Variants in CSMD1 observed in about 807,000 individuals in gnomAD.
CSMD1 encodes the protein CUB and sushi domain-containing protein 1.
Under a neutral mutation model 417.5 loss-of-function variants are expected in CSMD1, and 213 were observed. The ratio of observed to expected loss-of-function variants is 0.51; its 90% CI spans 0.46 to 0.57. The LOEUF is 0.57. Ranked by LOEUF, CSMD1 falls within the 20% of genes least tolerant of loss-of-function variation. The probability of loss-of-function intolerance (pLI) is 0.00; values close to 1 mark genes in which losing one functional copy is unlikely to be tolerated. For synonymous variants in CSMD1, 2,862 were observed against 1,736.8 expected, an observed-to-expected ratio of 1.65 and a Z score of -16.11; for missense variants, 6,923 against 4,529.7, an observed-to-expected ratio of 1.53 and a Z score of -15.17.
intron 8 of CSMD1, among the ~76,000 whole-genome samples, chr8:3,615,606 C>A (rs1465736703): frequency 6.6e-6 from 1 of 152,182 alleles, no homozygotes; most frequent in African/African-American, 2.4e-5. Context: ...AATATAGACA[C>A]ACTACAGTTT....
At chr8:3,789,022 G>T (rs1028503067) in intron 5 of CSMD1, among the ~76,000 whole-genome samples, 1 of 152,148 alleles carries the variant, frequency 6.6e-6, no homozygotes, top group East Asian at 1.9e-4. Flanking sequence ...CCCAAATTAG[G>T]AGGATGCTAT....
intron 5 of CSMD1, among the ~76,000 whole-genome samples, chr8:3,828,913 C>T (rs1404341219): frequency 6.6e-6 from 1 of 152,206 alleles, no homozygotes; most frequent in African/African-American, 2.4e-5. Flanking sequence ...GCCTTCAGCT[C>T]ACCCATTACT....
intron 49 of CSMD1, among the ~76,000 whole-genome samples, chr8:3,079,096 A>T (rs918044852): frequency 1.3e-5 from 2 of 152,150 alleles, no homozygotes; most frequent in Admixed American, 1.3e-4. Flanking sequence ...CGGGAGCCTG[A>T]CTGCAACTGC....
intron 6 of CSMD1, among the ~76,000 whole-genome samples, chr8:3,712,693 T>G (rs989236611): frequency 6.6e-6 from 1 of 152,226 alleles, no homozygotes; most frequent in Non-Finnish European, 1.5e-5. Flanking sequence ...TTATCTAGTT[T>G]TCATATGAGT....
At chr8:4,071,753 G>C (rs564533816) in intron 3 of CSMD1, among the ~76,000 whole-genome samples, 1 of 152,110 alleles carries the variant, frequency 6.6e-6, no homozygotes, top group South Asian at 2.1e-4. Flanking sequence ...TATTTATTTC[G>C]TCTTTGGGGT....
At chr8:3,308,290 G>A (rs1380422374) in intron 24 of CSMD1, 22 bp downstream of exon 24, 9 of 1,583,694 alleles carry the variant, frequency 5.7e-6, no homozygotes, top group Non-Finnish European at 7.8e-6. Context: ...TTGCACAATG[G>A]TATGACTGCT....
chr8:3,774,147 A>T (rs1982695), intron 5 of CSMD1, among the ~76,000 whole-genome samples: 50,549 of 152,096 alleles, frequency 0.33, 9,589 homozygotes, highest in Non-Finnish European at 0.43. Context: ...TTTACGCTGC[A>T]CAAAGTGTTA....
At position 4,297,769 on chromosome 8, in the gene CSMD1, T is replaced by G. The variant is rs1405406358; in HGVS notation, c.415+122184A>C. On this transcript the variant is annotated intron_variant, in intron 3 of 69. Coordinates refer to ENST00000635120, the MANE Select transcript of CSMD1 (RefSeq NM_033225.6). ...CTAACGATTAAGAACCAACATCCTG[T>G]GAGAGGTGATACATTTCAAAAGGAT... 1.3e-5 allele frequency among the ~76,000 whole-genome samples: 2 copies of G among 152,110 alleles called. 1 individual carries two copies. Among genetic ancestry groups the G allele is most frequent in the Non-Finnish European group, 2.9e-5 (2 of 68,012 alleles).
intron 7 of CSMD1, among the ~76,000 whole-genome samples, chr8:3,649,148 C>G (rs1307888134): frequency 6.6e-6 from 1 of 152,100 alleles, no homozygotes; most frequent in Non-Finnish European, 1.5e-5. Flanking sequence ...ACAATGCAAC[C>G]TTTATTTAGT....
chr8:3,230,023 G>T lies in CSMD1; in HGVS notation c.4345+17C>A, dbSNP rs750468233. ...CCATTCCTGAATATAAAATTTCTAA[G>T]TTCTGTTGTCTGATACCTATGCATG... is the stretch of plus-strand genomic sequence containing the variant. On this transcript the variant is annotated intron_variant, in intron 27 of 69. Coordinates refer to ENST00000635120, the MANE Select transcript of CSMD1 (RefSeq NM_033225.6). 7.9e-6 allele frequency: 12 copies of T among 1,510,990 alleles called. No homozygotes were observed. In the East Asian group the frequency reaches 2.8e-4, roughly 36 times the overall value. 93.6% of individuals were successfully genotyped at this position (1,510,990 alleles called of 1,614,324 possible).
At chr8:3,253,880 G>A (rs921467205) in intron 26 of CSMD1, among the ~76,000 whole-genome samples, 6 of 152,120 alleles carry the variant, frequency 3.9e-5, no homozygotes, top group African/African-American at 1.4e-4. Context: ...TTACATTTAA[G>A]GTTTATATTG....
intron 5 of CSMD1, among the ~76,000 whole-genome samples, chr8:3,847,009 T>A (rs1372189024): frequency 6.6e-6 from 1 of 152,204 alleles, no homozygotes; most frequent in African/African-American, 2.4e-5. Flanking sequence ...ATTTTCCAGA[T>A]CCACAGCAGA....
At chr8:3,724,990 C>T (rs1319224939) in intron 6 of CSMD1, among the ~76,000 whole-genome samples, 2 of 152,136 alleles carry the variant, frequency 1.3e-5, no homozygotes, top group Non-Finnish European at 2.9e-5. Flanking sequence ...GTTTGGTATC[C>T]TAATATTTTA....
At chr8:3,811,404 A>C (rs12114548) in intron 5 of CSMD1, among the ~76,000 whole-genome samples, 1,905 of 152,312 alleles carry the variant, frequency 0.013, 41 homozygotes, top group African/African-American at 0.043. Flanking sequence ...TAGACCATGT[A>C]GTAAGGCATT....
chr8:3,106,763 G>A, intron 45 of CSMD1, 122 bp from the exon 46 acceptor site: 1 of 538,116 alleles, frequency 1.9e-6, no homozygotes. Flanking sequence ...TAGAAACTAT[G>A]TCTGTATTTA....
intron 16 of CSMD1, among the ~76,000 whole-genome samples, chr8:3,398,833 C>T (rs1476739213): frequency 2.0e-5 from 3 of 152,264 alleles, no homozygotes; most frequent in East Asian, 1.9e-4. Context: ...CTACGCAGCC[C>T]AGCATGCTTA....
rs549698618 is a variant in CSMD1, at chr8:4,420,968, C to T, written c.303-903G>A. 3.9e-5 allele frequency among the ~76,000 whole-genome samples: 6 copies of T among 152,266 alleles called. No homozygotes were observed. The South Asian group carries it at 1.2e-3, about 32-fold the overall frequency. The stretch of plus-strand genomic sequence containing the variant: ...ATCTGGTACAATTCACGGGGATCTT[C>T]AACTCTCAAATTGTATTCATCTTTG... On this transcript the variant is annotated intron_variant, in intron 2 of 69. Transcript: ENST00000635120.
intron 11 of CSMD1, among the ~76,000 whole-genome samples, chr8:3,481,813 C>G (rs1407298238): frequency 3.9e-5 from 6 of 152,154 alleles, no homozygotes; most frequent in African/African-American, 1.4e-4. Flanking sequence ...TCCCCAGGGC[C>G]TTTGGAGTGA....
Position 3,885,814 on chromosome 8 carries a change from G to A in CSMD1, c.818+112089C>T, listed in dbSNP as rs547393797. On this transcript the variant is annotated intron_variant, in intron 5 of 69. Coordinates refer to ENST00000635120, the MANE Select transcript of CSMD1 (RefSeq NM_033225.6). The stretch of plus-strand genomic sequence containing the variant: ...TGACTTTCTTAAACAATCAGTTCTA[G>A]AATAAAAATGTGTCTGACCTGGCAA... Among the ~76,000 whole-genome samples the A allele has an allele frequency of 1.2e-4, 19 of 152,210 alleles. No individual in the cohort carries two copies. In the East Asian group the frequency reaches 3.7e-3, roughly 29 times the overall value.
Sources: gnomAD v4.1 joint callset for allele counts (sites outside exome capture counted in the v4.1 genomes callset) on GRCh38, gnomAD v4.1.1 for gene constraint, MANE v1.5 for transcripts, NCBI Gene and HGNC (gene_info 2026-07-23, HGNC 2026-07-21) for gene names.